The following LIMK2 variants were observed in gnomAD, a reference collection of about 807,000 sequenced individuals.
LIMK2 encodes the protein LIM domain kinase 2.
LIMK2 carries 35 observed loss-of-function variants against 75.7 expected under a neutral mutation model. That is an observed-to-expected ratio of 0.46 (90% confidence interval 0.35 to 0.61). The LOEUF is 0.61. LIMK2 is among the 20% of genes least tolerant of loss of function. LIMK2 has a pLI of 0.00. For missense variants in LIMK2, 623 were observed against 831.0 expected, an observed-to-expected ratio of 0.75 and a Z score of 3.08; for synonymous variants, 301 against 319.2, an observed-to-expected ratio of 0.94 and a Z score of 0.61.
intron 2 of LIMK2, among the ~76,000 whole-genome samples, chr22:31,240,192 G>C (rs2048612774): frequency 6.6e-6 from 1 of 152,130 alleles, no homozygotes; most frequent in Admixed American, 6.5e-5. Flanking sequence ...TGCCAGACTT[G>C]AGTTAAGGTT....
intron 1 of LIMK2, among the ~76,000 whole-genome samples, chr22:31,225,216 T>A (rs1367941889): frequency 6.6e-6 from 1 of 151,714 alleles, no homozygotes; most frequent in Non-Finnish European, 1.5e-5. Flanking sequence ...ATTTATTCAA[T>A]GTTGGTTGAG....
chr22:31,249,682 T>A (rs150205965), intron 2 of LIMK2, among the ~76,000 whole-genome samples: 1 of 152,278 alleles, frequency 6.6e-6, no homozygotes, highest in East Asian at 1.9e-4. Flanking sequence ...GGTCGACTTT[T>A]CCCTTCTGGC....
At position 31,272,688 on chromosome 22, in the gene LIMK2, C is replaced by A; in HGVS notation, c.1542C>A (p.Ala514=). ...TGGTGGGAAACCCCTACTGGATGGC[C>A]CCTGAGATGCTGAACGGTGAGTCCT... is the stretch of plus-strand genomic sequence containing the variant. ...YTVVGNPYWM[A]PEMLNGKSYD... The change falls in exon 13 of 16, where the codon GCC becomes GCA. Residue 514 remains alanine, a synonymous_variant. Transcript: ENST00000331728. The A allele has an allele frequency of 6.2e-7, 1 of 1,606,712 alleles. No homozygotes were observed. Among genetic ancestry groups the A allele is most frequent in the Non-Finnish European group, 8.5e-7 (1 of 1,176,634 alleles).
chr22:31,279,488 C>CA lies in LIMK2; in HGVS notation c.*1050dup, dbSNP rs1482516257. On this transcript the variant is annotated 3_prime_UTR_variant, in exon 16 of 16. Coordinates refer to ENST00000331728, the MANE Select transcript of LIMK2 (RefSeq NM_005569.4). ...CTGGGAAGAGGTGGTGGCAGAGTCT[C>CA]AAAGCTGAGATGCTGAGAGAGATAG... is the stretch of plus-strand genomic sequence containing the variant. 1 of 152,256 alleles carries CA rather than the reference C, an allele frequency of 6.6e-6. No individual in the cohort carries two copies. The highest frequency in any genetic ancestry group is 1.5e-5 in the Non-Finnish European group (1 of 68,082). 9.4% of individuals were successfully genotyped at this position (152,256 alleles called of 1,614,324 possible). A position where few individuals can be genotyped will look rare whatever the true frequency, so the allele number is the denominator to read the frequency against.
chr22:31,243,591 A>G (rs755343857), intron 2 of LIMK2, among the ~76,000 whole-genome samples: 1 of 152,182 alleles, frequency 6.6e-6, no homozygotes, highest in Non-Finnish European at 1.5e-5. Context: ...GCTGGTTCTA[A>G]GGAGTCAGTT....
chr22:31,272,509 A>C, intron 12 of LIMK2, 21 bp from the exon 13 acceptor site: 1 of 1,596,758 alleles, frequency 6.3e-7, no homozygotes, highest in Non-Finnish European at 8.5e-7. Flanking sequence ...TGAAGTCCTG[A>C]CCTGTCTTTT....
chr22:31,225,983 G>T (rs2048474251), intron 2 of LIMK2, among the ~76,000 whole-genome samples, 164 bp downstream of exon 2: 1 of 152,136 alleles, frequency 6.6e-6, no homozygotes, highest in South Asian at 2.1e-4. Context: ...CTCAAGTGTG[G>T]CCCCCCTGAA....
At chr22:31,274,024 TGAG>T (rs2048986434) in intron 14 of LIMK2, among the ~76,000 whole-genome samples, 1 of 150,496 alleles carries the variant, frequency 6.6e-6, no homozygotes, top group South Asian at 2.1e-4. Flanking sequence ...TTTTTTTAGT[TGAG>T]GAAACTGAGG....
chr22:31,234,508 G>A lies in LIMK2; in HGVS notation c.116+8689G>A, dbSNP rs1420535711. Among the ~76,000 whole-genome samples the A allele has an allele frequency of 2.0e-5, 3 of 151,018 alleles. No homozygotes were observed. In the East Asian group the frequency reaches 6.0e-4, roughly 30 times the overall value. ...GAGGCCGAGGCAGGCAGATCATGAA[G>A]TCAAGAGATTGAGACCATCCTGGCC... On this transcript the variant is annotated intron_variant, in intron 2 of 15. Coordinates refer to ENST00000331728, the MANE Select transcript of LIMK2 (RefSeq NM_005569.4).
At position 31,258,425 on chromosome 22, in the gene LIMK2, TG is replaced by T. The variant is rs746519338; in HGVS notation, c.252+1del. 2 of 1,614,108 alleles carry T rather than the reference TG, an allele frequency of 1.2e-6. No homozygotes were observed. Among genetic ancestry groups the T allele is most frequent in the South Asian group, 2.2e-5 (2 of 91,078 alleles). On this transcript the variant is annotated frameshift_variant and splice_region_variant, in exon 3 of 16. Transcript: ENST00000331728. LOFTEE classifies it high-confidence loss of function. ...GCSLLMTGPF[M>X]VAGEFKYHPE... ...TCCCTGCTGATGACAGGGCCTTTTA[TG>T]GTGAGTGAATCCCTTCATATCTGCC...
chr22:31,228,538 T>C (rs2048498356), intron 2 of LIMK2, among the ~76,000 whole-genome samples: 1 of 152,162 alleles, frequency 6.6e-6, no homozygotes, highest in Admixed American at 6.5e-5. Context: ...CACCAATCTG[T>C]AAAATGAGGA....
At chr22:31,266,928 C>T in intron 8 of LIMK2, 56 bp from the exon 9 acceptor site, 2 of 1,255,120 alleles carry the variant, frequency 1.6e-6, no homozygotes, top group Non-Finnish European at 2.3e-6. Flanking sequence ...TTTTCTCAAA[C>T]AGTTCTCCAG....
At chr22:31,271,815 C>T (rs2048960553) in intron 12 of LIMK2, among the ~76,000 whole-genome samples, 2 of 152,198 alleles carry the variant, frequency 1.3e-5, no homozygotes, top group Non-Finnish European at 2.9e-5. Context: ...CTACTGCCTC[C>T]ACCTTGCCTT....
At chr22:31,277,416 CAAAAAA>C in intron 15 of LIMK2, 7 of 1,005,818 alleles carry the variant, frequency 7.0e-6, no homozygotes, top group East Asian at 8.7e-5. Flanking sequence ...TGGTGCAGCT[CAAAAAA>C]AAAAAAAAAA....
chr22:31,223,794 C>G (rs137893539), intron 1 of LIMK2, among the ~76,000 whole-genome samples: 1 of 152,244 alleles, frequency 6.6e-6, no homozygotes, highest in African/African-American at 2.4e-5. Context: ...ATTTTAGACC[C>G]AGGAAGAATG....
At position 31,247,598 on chromosome 22, in the gene LIMK2, C is replaced by T. The variant is rs1465637820; in HGVS notation, c.117-10693C>T. ...TTCTCCTTAAAGAGCCAGAATGAAGCCTGGTAGTGGGAGAGCTCCAGCTCT... is the reference window on the plus strand; with the variant it reads ...TTCTCCTTAAAGAGCCAGAATGAAGTCTGGTAGTGGGAGAGCTCCAGCTCT... On this transcript the variant is annotated intron_variant, in intron 2 of 15. Transcript: ENST00000331728. Among the ~76,000 whole-genome samples the T allele has an allele frequency of 5.9e-5, 9 of 152,270 alleles. No individual in the cohort carries two copies. The East Asian group carries it at 1.5e-3, about 26-fold the overall frequency.
At chr22:31,254,408 T>A (rs527835231) in intron 2 of LIMK2, among the ~76,000 whole-genome samples, 1 of 152,380 alleles carries the variant, frequency 6.6e-6, no homozygotes, top group African/African-American at 2.4e-5. Flanking sequence ...CCTGGGCTAC[T>A]GGTTCTTGCC....
At chr22:31,225,200 G>A (rs2048468326) in intron 1 of LIMK2, among the ~76,000 whole-genome samples, 2 of 152,044 alleles carry the variant, frequency 1.3e-5, no homozygotes, top group African/African-American at 4.8e-5. Flanking sequence ...CTGATCTAGA[G>A]GACCAATTTA....
At chr22:31,245,627 A>G (rs971141294) in intron 2 of LIMK2, among the ~76,000 whole-genome samples, 1 of 151,646 alleles carries the variant, frequency 6.6e-6, no homozygotes, top group Non-Finnish European at 1.5e-5. Flanking sequence ...TTTAGTAGAG[A>G]TAGGGTCTTG....
Sources: allele counts gnomAD v4.1 joint callset (sites outside exome capture counted in the v4.1 genomes callset), GRCh38; gene constraint gnomAD v4.1.1; transcripts MANE v1.5; gene names NCBI Gene and HGNC (gene_info 2026-07-23, HGNC 2026-07-21).